Variants in AGBL4 observed in about 807,000 individuals in gnomAD.
The protein encoded by AGBL4 is cytosolic carboxypeptidase 6.
In AGBL4, 58 loss-of-function variants were observed where a neutral mutation model predicts 66.4. That is an observed-to-expected ratio of 0.87 (90% confidence interval 0.71 to 1.09). The LOEUF (loss-of-function observed/expected upper bound fraction) is 1.09. Among genes scored for constraint, AGBL4 ranks in the 50% least tolerant of loss-of-function variants. The probability of loss-of-function intolerance (pLI) is 0.00; values close to 1 mark genes in which losing one functional copy is unlikely to be tolerated. For missense variants in AGBL4, 579 were observed against 631.0 expected (o/e 0.92, Z 0.88); for synonymous variants, 234 against 222.9 (o/e 1.05, Z -0.44).
At position 49,496,589 on chromosome 1, in the gene AGBL4, T is replaced by C. The variant is rs1282014134; in HGVS notation, c.282+200724A>G. On this transcript the variant is annotated intron_variant, in intron 3 of 13. Transcript: ENST00000371839. ...ACCTTCACTTCTATGAGTTGAATTT[T>C]TTTTAGATTCCACATAGAAGTAATA... Among the ~76,000 whole-genome samples, 2 of 151,082 alleles carry C rather than the reference T, an allele frequency of 1.3e-5. 1 individual carries two copies. Among genetic ancestry groups the C allele is most frequent in the Non-Finnish European group, 3.0e-5 (2 of 67,688 alleles).
chr1:49,918,571 C>T (rs554590278), intron 1 of AGBL4, among the ~76,000 whole-genome samples: 3 of 152,188 alleles, frequency 2.0e-5, no homozygotes, highest in African/African-American at 4.8e-5. Context: ...CAATAACAGC[C>T]TCTGAAATTG....
intron 3 of AGBL4, among the ~76,000 whole-genome samples, chr1:49,371,029 T>A (rs2148552539): frequency 6.6e-6 from 1 of 152,252 alleles, no homozygotes; most frequent in African/African-American, 2.4e-5. Context: ...ATTTCACCTG[T>A]ACCATCAGCT....
intron 3 of AGBL4, among the ~76,000 whole-genome samples, chr1:49,487,939 C>A (rs373963861): frequency 6.6e-6 from 1 of 151,782 alleles, no homozygotes. Context: ...TAATTGAAAC[C>A]AAGTGCTCCA....
intron 3 of AGBL4, among the ~76,000 whole-genome samples, chr1:49,281,626 A>C (rs1362049270): frequency 6.6e-6 from 1 of 152,246 alleles, no homozygotes; most frequent in Non-Finnish European, 1.5e-5. Flanking sequence ...TGTGATTTAT[A>C]ATAAATACAT....
intron 3 of AGBL4, among the ~76,000 whole-genome samples, chr1:49,419,867 G>A (rs990484515): frequency 1.3e-5 from 2 of 152,192 alleles, no homozygotes; most frequent in African/African-American, 4.8e-5. Context: ...CTTAGGAGGG[G>A]ATAGGATCCC....
chr1:49,873,365 C>T (rs1280607561), intron 1 of AGBL4, among the ~76,000 whole-genome samples: 1 of 151,904 alleles, frequency 6.6e-6, no homozygotes, highest in Non-Finnish European at 1.5e-5. Flanking sequence ...TTCCAAAATG[C>T]TTTCTCTGGG....
chr1:48,800,972 T>G (rs1645792709), intron 6 of AGBL4, among the ~76,000 whole-genome samples: 1 of 151,970 alleles, frequency 6.6e-6, no homozygotes, highest in African/African-American at 2.4e-5. Flanking sequence ...CAGACTCTTT[T>G]TGGGAGGGGC....
At chr1:49,545,792 T>C (rs1652429792) in intron 3 of AGBL4, among the ~76,000 whole-genome samples, 1 of 152,218 alleles carries the variant, frequency 6.6e-6, no homozygotes, top group African/African-American at 2.4e-5. Flanking sequence ...AAGCAAATAC[T>C]ATTTGAAACC....
Position 49,844,639 on chromosome 1 carries a change from T to G in AGBL4, c.157+6757A>C, listed in dbSNP as rs1388893557. 19 of 1,532,496 alleles carry G rather than the reference T, an allele frequency of 1.2e-5. No individual in the cohort carries two copies. In the East Asian group the frequency reaches 4.3e-4, roughly 35 times the overall value. The allele number at this position is 1,532,496 out of a possible 1,614,324, so 94.9% of individuals were successfully genotyped here. The stretch of plus-strand genomic sequence containing the variant: ...CCTCTTCCCATCTCACCACAAACTC[T>G]TTTGCCCTGGAACAGAGATTAAGGG... On this transcript the variant is annotated intron_variant, in intron 2 of 13. Coordinates refer to ENST00000371839, the MANE Select transcript of AGBL4 (RefSeq NM_032785.4).
chr1:49,442,813 T>C (rs188513883), intron 3 of AGBL4, among the ~76,000 whole-genome samples: 134 of 152,320 alleles, frequency 8.8e-4, no homozygotes, highest in African/African-American at 2.7e-3. Flanking sequence ...TTTAGTTCTT[T>C]GAGAAATCTC....
intron 9 of AGBL4, among the ~76,000 whole-genome samples, chr1:48,624,461 A>G (rs1397996662): frequency 1.3e-5 from 2 of 152,236 alleles, no homozygotes; most frequent in South Asian, 2.1e-4. Flanking sequence ...GAGAAGCTCA[A>G]AGAATAAAGG....
intron 4 of AGBL4, among the ~76,000 whole-genome samples, chr1:49,170,532 T>C (rs1214789453): frequency 1.4e-5 from 2 of 145,326 alleles, no homozygotes; most frequent in Non-Finnish European, 3.0e-5. Flanking sequence ...TATGTATATA[T>C]AAATATATAC....
intron 5 of AGBL4, among the ~76,000 whole-genome samples, chr1:49,044,416 G>A (rs1486332172): frequency 6.6e-6 from 1 of 151,934 alleles, no homozygotes. Flanking sequence ...TTGAACCTGG[G>A]AGGCAGAGGT....
chr1:48,872,828 C>T (rs4565762), intron 5 of AGBL4, among the ~76,000 whole-genome samples: 134,780 of 152,084 alleles, frequency 0.89, 60,379 homozygotes, highest in Non-Finnish European at 0.96. Context: ...ATAAAAAGAG[C>T]GTACGCCAAC....
chr1:49,521,314 G>A (rs1233077028), intron 3 of AGBL4, among the ~76,000 whole-genome samples: 1 of 151,954 alleles, frequency 6.6e-6, no homozygotes, highest in East Asian at 1.9e-4. Flanking sequence ...GCAATCCTAA[G>A]TAAAAAGAAC....
At chr1:49,815,555 T>C (rs926503564) in intron 2 of AGBL4, among the ~76,000 whole-genome samples, 6 of 152,140 alleles carry the variant, frequency 3.9e-5, no homozygotes, top group African/African-American at 1.4e-4. Flanking sequence ...TGCTGGATCA[T>C]ATGGTAGCTC....
chr1:48,834,888 A>G (rs1343526420), intron 6 of AGBL4, among the ~76,000 whole-genome samples: 3 of 152,184 alleles, frequency 2.0e-5, no homozygotes, highest in African/African-American at 7.2e-5. Context: ...TTGCATGTTC[A>G]GCATCTGGAG....
At chr1:49,919,685 T>C (rs1052452669) in intron 1 of AGBL4, among the ~76,000 whole-genome samples, 12 of 152,054 alleles carry the variant, frequency 7.9e-5, no homozygotes, top group African/African-American at 2.7e-4. Context: ...ACAGATTCAA[T>C]GCCATCCCCA....
rs546308858 is a variant in AGBL4, at chr1:49,462,623, T to C, written c.283-216759A>G. Among the ~76,000 whole-genome samples, 3 of 151,812 alleles carry C rather than the reference T, an allele frequency of 2.0e-5. No homozygotes were observed. The South Asian group carries it at 6.2e-4, about 31-fold the overall frequency. On this transcript the variant is annotated intron_variant, in intron 3 of 13. Transcript: ENST00000371839. The stretch of plus-strand genomic sequence containing the variant: ...CTTGGATTAAAAGCATTAAAGACTA[T>C]TTCATGTCACTTTGGAATATCCCAA...
Sources: gnomAD v4.1 joint callset for allele counts (sites outside exome capture counted in the v4.1 genomes callset) on GRCh38, gnomAD v4.1.1 for gene constraint, MANE v1.5 for transcripts, NCBI Gene and HGNC (gene_info 2026-07-23, HGNC 2026-07-21) for gene names.